WWOX: variants seen among roughly 807,000 people sequenced by gnomAD.
WWOX encodes the protein WW domain containing oxidoreductase.
A neutral mutation model predicts 46.2 loss-of-function variants in WWOX; 69 were observed. The observed-to-expected ratio is 1.49, with a 90% CI of 1.23 to 1.82. The LOEUF is 1.82. WWOX is among the 40% of genes most tolerant of loss of function. The probability of loss-of-function intolerance (pLI) is 0.00; values close to 1 mark genes in which losing one functional copy is unlikely to be tolerated. For missense variants in WWOX, 919 were observed against 542.6 expected, an observed-to-expected ratio of 1.69 and a Z score of -6.89; for synonymous variants, 359 against 202.6, an observed-to-expected ratio of 1.77 and a Z score of -6.56.
At chr16:78,799,374 C>G (rs2050826561) in intron 8 of WWOX, among the ~76,000 whole-genome samples, 1 of 152,216 alleles carries the variant, frequency 6.6e-6, no homozygotes, top group South Asian at 2.1e-4. Context: ...TTAGCAAACA[C>G]ATGCTCACAC....
At chr16:79,207,328 A>G (rs890927590) in intron 8 of WWOX, among the ~76,000 whole-genome samples, 3 of 152,254 alleles carry the variant, frequency 2.0e-5, no homozygotes, top group East Asian at 3.8e-4. Context: ...TTGAAGAGGT[A>G]TGTGTCTTTC....
intron 5 of WWOX, among the ~76,000 whole-genome samples, chr16:78,261,770 AT>A (rs60954253): frequency 0.44 from 57,810 of 132,218 alleles, 13,062 homozygotes; most frequent in East Asian, 0.65. Context: ...CTATCTATCT[AT>A]GTATCTATCT....
At chr16:78,459,572 G>T (rs1171180026) in intron 8 of WWOX, among the ~76,000 whole-genome samples, 1 of 152,132 alleles carries the variant, frequency 6.6e-6, no homozygotes, top group African/African-American at 2.4e-5. Context: ...TGGCTTAATT[G>T]TAAGCGATCA....
At chr16:78,993,073 C>T (rs1342718837) in intron 8 of WWOX, among the ~76,000 whole-genome samples, 1 of 151,872 alleles carries the variant, frequency 6.6e-6, no homozygotes, top group Non-Finnish European at 1.5e-5. Flanking sequence ...ACATTTTCCC[C>T]TTCTTTCGGG....
At chr16:79,178,222 T>C (rs772875289) in intron 8 of WWOX, among the ~76,000 whole-genome samples, 4 of 152,182 alleles carry the variant, frequency 2.6e-5, no homozygotes, top group Non-Finnish European at 5.9e-5. Flanking sequence ...AATGAACAAG[T>C]GACTATTTGC....
intron 8 of WWOX, chr16:79,204,921 C>T (rs993557468): frequency 2.0e-5 from 3 of 152,246 alleles, no homozygotes; most frequent in African/African-American, 7.2e-5. Context: ...AATTCATTCT[C>T]CTCTCTTCGA....
chr16:78,392,888 T>A (rs2082206634), intron 6 of WWOX, among the ~76,000 whole-genome samples: 1 of 152,124 alleles, frequency 6.6e-6, no homozygotes. Flanking sequence ...TTGATTCTGT[T>A]ATTCTCCACT....
chr16:78,712,074 A>T (rs1376866371), intron 8 of WWOX, among the ~76,000 whole-genome samples: 1 of 152,122 alleles, frequency 6.6e-6, no homozygotes, highest in Non-Finnish European at 1.5e-5. Context: ...TTCATTATAG[A>T]TGTCTTATAT....
chr16:79,001,343 A>G (rs2047088856), intron 8 of WWOX, among the ~76,000 whole-genome samples: 1 of 151,800 alleles, frequency 6.6e-6, no homozygotes. Context: ...GTCAGGATGC[A>G]TATTTCTTTA....
chr16:78,572,025 T>G (rs1341973114), intron 8 of WWOX, among the ~76,000 whole-genome samples: 1 of 152,186 alleles, frequency 6.6e-6, no homozygotes, highest in Non-Finnish European at 1.5e-5. Context: ...TGGAAAATAT[T>G]TTGGTATTAC....
chr16:78,585,617 C>T (rs1216998896), intron 8 of WWOX, among the ~76,000 whole-genome samples: 1 of 152,166 alleles, frequency 6.6e-6, no homozygotes, highest in East Asian at 1.9e-4. Flanking sequence ...CTTCTCAAGT[C>T]ACTTCGCAGC....
intron 5 of WWOX, among the ~76,000 whole-genome samples, chr16:78,266,740 C>A (rs1049393703): frequency 6.7e-6 from 1 of 150,276 alleles, no homozygotes; most frequent in African/African-American, 2.4e-5. Flanking sequence ...CTTCCAACAT[C>A]GCCTCCTATG....
intron 8 of WWOX, among the ~76,000 whole-genome samples, chr16:78,747,170 T>C (rs191866977): frequency 1.3e-5 from 2 of 150,404 alleles, no homozygotes; most frequent in East Asian, 3.9e-4. Flanking sequence ...GGAAGAGTGG[T>C]GGGGGGCACT....
chr16:78,313,208 C>G (rs894638503), intron 5 of WWOX, among the ~76,000 whole-genome samples: 3 of 152,162 alleles, frequency 2.0e-5, no homozygotes, highest in African/African-American at 7.2e-5. Context: ...AGGGCTCTTC[C>G]ACTTGCTAGC....
chr16:78,638,309 C>T lies in WWOX; in HGVS notation c.1056+205557C>T, dbSNP rs76405136. Among the ~76,000 whole-genome samples the T allele has an allele frequency of 2.0e-3, 302 of 152,168 alleles. 1 individual carries two copies. Among genetic ancestry groups the T allele is most frequent in the Non-Finnish European group, 3.0e-3 (205 of 68,016 alleles). ...AGGATCTGAACCCAAGACATAGGCCCAGGAGTCTGTGTTTGTTCTTTAAAC... is the reference window on the plus strand; with the variant it reads ...AGGATCTGAACCCAAGACATAGGCCTAGGAGTCTGTGTTTGTTCTTTAAAC... On this transcript the variant is annotated intron_variant, in intron 8 of 8. Transcript: ENST00000566780.
chr16:78,708,275 C>T (rs375258293), intron 8 of WWOX, among the ~76,000 whole-genome samples: 69 of 152,242 alleles, frequency 4.5e-4, no homozygotes, highest in Non-Finnish European at 6.9e-4. Context: ...GTATCCCATG[C>T]AGTATTTGGA....
chr16:78,751,461 T>TTA (rs71140824), intron 8 of WWOX, among the ~76,000 whole-genome samples: 38,938 of 128,082 alleles, frequency 0.3, 6,126 homozygotes, highest in East Asian at 0.38. Context: ...TTATCAGATT[T>TTA]TATATATATA....
chr16:78,264,615 C>G (rs369848123), intron 5 of WWOX: 2 of 152,390 alleles, frequency 1.3e-5, no homozygotes, highest in African/African-American at 4.8e-5. Context: ...GGGTGATAAG[C>G]AAGAGTTGAT....
chr16:78,785,795 T>A (rs553865420), intron 8 of WWOX, among the ~76,000 whole-genome samples: 1 of 151,984 alleles, frequency 6.6e-6, no homozygotes, highest in African/African-American at 2.4e-5. Flanking sequence ...CTTTGCTGAA[T>A]TGGATAATGG....
Sources: gnomAD v4.1 joint callset for allele counts (sites outside exome capture counted in the v4.1 genomes callset) on GRCh38, gnomAD v4.1.1 for gene constraint, MANE v1.5 for transcripts, NCBI Gene and HGNC (gene_info 2026-07-23, HGNC 2026-07-21) for gene names.